NBAS: variants seen among roughly 807,000 people sequenced by gnomAD.
NBAS encodes the protein NBAS subunit of NRZ tethering complex.
Under a neutral mutation model 302.5 loss-of-function variants are expected in NBAS, and 219 were observed. That is an observed-to-expected ratio of 0.72 (90% CI 0.65 to 0.81). NBAS has a LOEUF of 0.81. NBAS is among the 30% of genes least tolerant of loss of function. The pLI is 0.00. For missense variants in NBAS, 2,932 were observed against 2,841.6 expected (o/e 1.03, Z -0.72); for synonymous variants, 1,118 against 1,021.6 (o/e 1.09, Z -1.80).
the NBAS span, among the ~76,000 whole-genome samples, chr2:14,952,610 G>A: frequency 5.9e-5 from 9 of 152,324 alleles, no homozygotes; most frequent in East Asian, 1.9e-4. Flanking sequence ...TGTTTGGGGC[G>A]TTTTTCATGT....
intron 21 of NBAS, among the ~76,000 whole-genome samples, chr2:15,448,015 G>C (rs1678831340): frequency 6.6e-6 from 1 of 152,128 alleles, no homozygotes; most frequent in Non-Finnish European, 1.5e-5. Flanking sequence ...TGGCAAGAGA[G>C]CACTCCTTTC....
At chr2:15,268,504 A>G (rs1169793777) in intron 44 of NBAS, among the ~76,000 whole-genome samples, 1 of 152,216 alleles carries the variant, frequency 6.6e-6, no homozygotes, top group East Asian at 1.9e-4. Flanking sequence ...AATTTTACCT[A>G]ATTTGTTTGA....
At chr2:15,206,483 G>C (rs1329446659) in intron 48 of NBAS, among the ~76,000 whole-genome samples, 2 of 152,120 alleles carry the variant, frequency 1.3e-5, no homozygotes, top group Non-Finnish European at 2.9e-5. Flanking sequence ...ACTTGCATAA[G>C]TAAAGAGAAG....
chr2:14,956,337 A>T, the NBAS span, among the ~76,000 whole-genome samples: 67,715 of 152,038 alleles, frequency 0.45, 19,303 homozygotes, highest in African/African-American at 0.82. Flanking sequence ...TCCAAGTCTC[A>T]AGGAAGTTCC....
the NBAS span, among the ~76,000 whole-genome samples, chr2:15,047,651 G>C: frequency 6.7e-6 from 1 of 149,974 alleles, no homozygotes; most frequent in Non-Finnish European, 1.5e-5. Context: ...GGCTGGGCCT[G>C]TGCAGATGAA....
At chr2:15,362,772 G>A (rs959066113) in intron 32 of NBAS, among the ~76,000 whole-genome samples, 1 of 152,100 alleles carries the variant, frequency 6.6e-6, no homozygotes, top group Non-Finnish European at 1.5e-5. Context: ...TAGGCTACAA[G>A]CTCTAATCTG....
At chr2:14,807,024 C>T in the NBAS span, among the ~76,000 whole-genome samples, 2 of 151,882 alleles carry the variant, frequency 1.3e-5, no homozygotes, top group Non-Finnish European at 2.9e-5. Context: ...AGCTTCTCTA[C>T]AGAAAAAAAA....
chr2:15,397,443 G>A (rs1167825210), intron 26 of NBAS: 1 of 451,986 alleles, frequency 2.2e-6, no homozygotes, highest in Admixed American at 2.7e-5. Context: ...CCTTACATGG[G>A]CTTTGGTGGG....
chr2:14,857,276 T>C, the NBAS span, among the ~76,000 whole-genome samples: 40,609 of 152,048 alleles, frequency 0.27, 10,168 homozygotes, highest in African/African-American at 0.66. Context: ...TCAATGCACT[T>C]TCCATCAAAA....
In NBAS at chr2:15,180,508, T is replaced by A. The variant is rs182427543; in HGVS notation, c.6712-1392A>T. 2.6e-5 allele frequency: 4 copies of A among 152,392 alleles called. No individual in the cohort carries two copies. In the East Asian group the frequency reaches 7.7e-4, roughly 29 times the overall value. The allele number at this position is 152,392 out of a possible 1,614,324, so 9.4% of individuals were successfully genotyped here. ...GGATGCCGAAACCTGCAGAAGATTA[T>A]TTGGGAGCATGAAACAAGCTCCTGA... is the stretch of plus-strand genomic sequence containing the variant. On this transcript the variant is annotated intron_variant, in intron 50 of 51. Coordinates refer to ENST00000281513, the MANE Select transcript of NBAS (RefSeq NM_015909.4).
At chr2:14,825,501 T>C in the NBAS span, among the ~76,000 whole-genome samples, 1 of 152,154 alleles carries the variant, frequency 6.6e-6, no homozygotes, top group South Asian at 2.1e-4. Flanking sequence ...ATTAACTAAA[T>C]GCTAATCATC....
At chr2:15,004,102 G>A in the NBAS span, among the ~76,000 whole-genome samples, 1 of 152,208 alleles carries the variant, frequency 6.6e-6, no homozygotes, top group Non-Finnish European at 1.5e-5. Flanking sequence ...GCACAATCTC[G>A]CATTATCTTC....
intron 21 of NBAS, among the ~76,000 whole-genome samples, chr2:15,439,159 C>T (rs78128523): frequency 0.013 from 1,936 of 151,892 alleles, 32 homozygotes; most frequent in East Asian, 0.059. Flanking sequence ...AAAAATTAGC[C>T]GGGTGCAGTG....
chr2:15,311,453 TACA>T (rs1485880012), intron 38 of NBAS, among the ~76,000 whole-genome samples: 2 of 152,158 alleles, frequency 1.3e-5, no homozygotes, highest in Non-Finnish European at 2.9e-5. Flanking sequence ...TTTCTTCAGT[TACA>T]ACATGTTTTC....
At chr2:14,914,151 C>T in the NBAS span, among the ~76,000 whole-genome samples, 2 of 152,164 alleles carry the variant, frequency 1.3e-5, no homozygotes, top group Non-Finnish European at 2.9e-5. Context: ...ATGGAGGAAA[C>T]TGTCCCCATG....
intron 12 of NBAS, 80 bp downstream of exon 12, chr2:15,488,814 G>A: frequency 3.2e-6 from 5 of 1,561,488 alleles, no homozygotes; most frequent in Non-Finnish European, 4.4e-6. Flanking sequence ...GTGTACTATA[G>A]TAAAATATCA....
At chr2:14,945,224 C>T in the NBAS span, among the ~76,000 whole-genome samples, 1 of 152,204 alleles carries the variant, frequency 6.6e-6, no homozygotes, top group Non-Finnish European at 1.5e-5. Context: ...TTTACTGAAG[C>T]TGAGCCGAAC....
chr2:15,445,457 A>T (rs2148525217), intron 21 of NBAS, among the ~76,000 whole-genome samples: 1 of 142,722 alleles, frequency 7.0e-6, no homozygotes, highest in African/African-American at 2.6e-5. Context: ...TTGAACAATG[A>T]GAACACATGG....
chr2:14,913,446 A>G, the NBAS span, among the ~76,000 whole-genome samples: 2 of 152,198 alleles, frequency 1.3e-5, no homozygotes, highest in Admixed American at 6.5e-5. Flanking sequence ...ATAAAGGCCT[A>G]AAGGTGAGGA....
Sources: allele counts gnomAD v4.1 joint callset (sites outside exome capture counted in the v4.1 genomes callset), GRCh38; gene constraint gnomAD v4.1.1; transcripts MANE v1.5; gene names NCBI Gene and HGNC (gene_info 2026-07-23, HGNC 2026-07-21).